Variants in ANKAR observed in about 807,000 individuals in gnomAD.
ANKAR encodes ankyrin and armadillo repeat-containing protein.
Under a neutral mutation model 146.2 loss-of-function variants are expected in ANKAR, and 136 were observed. The ratio of observed to expected loss-of-function variants is 0.93; its 90% CI spans 0.81 to 1.07. The LOEUF (loss-of-function observed/expected upper bound fraction) is 1.07. ANKAR is among the 50% of genes least tolerant of loss of function. ANKAR has a pLI of 0.00. For synonymous variants in ANKAR, 500 were observed against 575.8 expected, an observed-to-expected ratio of 0.87 and a Z score of 1.88; for missense variants, 1,567 against 1,679.9, an observed-to-expected ratio of 0.93 and a Z score of 1.18.
chr2:189,683,997 A>G (rs2035146651), intron 2 of ANKAR, among the ~76,000 whole-genome samples: 2 of 152,324 alleles, frequency 1.3e-5, no homozygotes, highest in African/African-American at 4.8e-5. Flanking sequence ...AAATCTGGCC[A>G]TGTTACCCAG....
chr2:189,711,680 G>A (rs929735186), intron 10 of ANKAR, among the ~76,000 whole-genome samples: 5 of 152,172 alleles, frequency 3.3e-5, no homozygotes, highest in South Asian at 2.1e-4. Context: ...CAGCATGATC[G>A]GCGCAGAAGA....
chr2:189,734,770 C>A (rs1165271324), intron 17 of ANKAR, among the ~76,000 whole-genome samples: 2 of 151,956 alleles, frequency 1.3e-5, no homozygotes, highest in Non-Finnish European at 2.9e-5. Flanking sequence ...TCGAGACCAG[C>A]CTTGCCAATA....
intron 18 of ANKAR, among the ~76,000 whole-genome samples, chr2:189,759,190 T>A (rs2046578860): frequency 6.6e-6 from 1 of 152,148 alleles, no homozygotes; most frequent in Admixed American, 6.5e-5. Context: ...TCAATCTGCC[T>A]CTTTACATAC....
intron 19 of ANKAR, among the ~76,000 whole-genome samples, chr2:189,739,139 C>T (rs528146116): frequency 6.6e-5 from 10 of 152,288 alleles, no homozygotes; most frequent in African/African-American, 1.9e-4. Context: ...GGTCCCATAG[C>T]GTTCTCAACA....
chr2:189,726,761 T>A (rs1359336892), intron 12 of ANKAR, among the ~76,000 whole-genome samples: 2 of 152,114 alleles, frequency 1.3e-5, no homozygotes, highest in Non-Finnish European at 2.9e-5. Flanking sequence ...GCCTTGTAGT[T>A]ACATAAAAGG....
At chr2:189,678,772 C>G (rs1427145668) in intron 2 of ANKAR, among the ~76,000 whole-genome samples, 1 of 152,170 alleles carries the variant, frequency 6.6e-6, no homozygotes, top group Non-Finnish European at 1.5e-5. Context: ...CTATTCTGTT[C>G]CATTGGTCTC....
intron 3 of ANKAR, 118 bp downstream of exon 3, chr2:189,690,082 GA>G (rs1444341439): frequency 5.0e-6 from 3 of 596,418 alleles, no homozygotes; most frequent in Admixed American, 7.9e-5. Flanking sequence ...ACCTGTTAGA[GA>G]AAACAAACAA....
At position 189,699,783 on chromosome 2, in the gene ANKAR, C is replaced by CCCATGT. The variant is rs759442168; in HGVS notation, c.1708+3414_1708+3415insCCATGT. ...CTGGGTTCAAGCGATTCTCCCACCT[C>CCCATGT]AGCCTCCCATGTAGCTGGGATTACA... is the stretch of plus-strand genomic sequence containing the variant. On this transcript the variant is annotated intron_variant, in intron 7 of 22. Transcript: ENST00000684021. Among the ~76,000 whole-genome samples, 1,257 of 152,320 alleles carry CCCATGT rather than the reference C, an allele frequency of 8.3e-3. 12 individuals carry two copies. The highest frequency in any genetic ancestry group is 0.037 in the Middle Eastern group (11 of 294).
intron 22 of ANKAR, among the ~76,000 whole-genome samples, chr2:189,745,706 A>G (rs2044059617): frequency 6.6e-6 from 1 of 152,240 alleles, no homozygotes; most frequent in South Asian, 2.1e-4. Flanking sequence ...AGAAACATTC[A>G]GAAGTCAAGA....
At chr2:189,734,802 A>G (rs1287263554) in intron 17 of ANKAR, among the ~76,000 whole-genome samples, 1 of 151,966 alleles carries the variant, frequency 6.6e-6, no homozygotes, top group Non-Finnish European at 1.5e-5. Context: ...CATCTCTACT[A>G]AAGAGATAAA....
chr2:189,711,740 A>G (rs1044543135), intron 10 of ANKAR, among the ~76,000 whole-genome samples: 6 of 152,054 alleles, frequency 3.9e-5, no homozygotes, highest in Non-Finnish European at 8.8e-5. Context: ...TCTCCCTGGG[A>G]CTGATTGGAC....
chr2:189,728,311 G>A lies in ANKAR; in HGVS notation c.2922G>A (p.Trp974Ter). The A allele has an allele frequency of 6.2e-7, 1 of 1,612,704 alleles. No individual in the cohort carries two copies. The highest frequency in any genetic ancestry group is 8.5e-7 in the Non-Finnish European group (1 of 1,179,616). ...AGGAACAAGGAGCTGTTGCACTTTG[G>A]GCCTTGGCAGGACAAACACTAAAAC... ...DVKEQGAVAL[W>*]ALAGQTLKQQ... The change falls in exon 14 of 23, where the codon TGG (tryptophan) becomes TGA (stop). Residue 974 changes from tryptophan to a stop codon, truncating the protein, a stop_gained. Coordinates refer to ENST00000684021, the MANE Select transcript of ANKAR (RefSeq NM_001378068.1). LOFTEE classifies it high-confidence loss of function.
intron 19 of ANKAR, among the ~76,000 whole-genome samples, chr2:189,740,897 T>C (rs1472017071): frequency 1.3e-5 from 2 of 151,984 alleles, no homozygotes; most frequent in Non-Finnish European, 2.9e-5. Flanking sequence ...TTTCTCCATG[T>C]TGGTCAGGCT....
At chr2:189,704,943 C>A in intron 7 of ANKAR, 80 bp from the exon 8 acceptor site, 1 of 1,337,468 alleles carries the variant, frequency 7.5e-7, no homozygotes, top group Non-Finnish European at 1.1e-6. Context: ...AGCTCTGTGG[C>A]TGGATATCAA....
chr2:189,728,206 TATGC>T, intron 13 of ANKAR, 57 bp from the exon 14 acceptor site: 4 of 1,509,828 alleles, frequency 2.6e-6, no homozygotes, highest in Middle Eastern at 3.6e-4. Flanking sequence ...TTTTATAAAA[TATGC>T]ATTCCTAAAA....
intron 18 of ANKAR, chr2:189,754,810 A>G (rs1447126537): frequency 3.8e-6 from 1 of 259,908 alleles, no homozygotes; most frequent in Non-Finnish European, 7.2e-6. Flanking sequence ...AATTCTGTGC[A>G]TTGCATCTTT....
downstream of ANKAR, among the ~76,000 whole-genome samples, chr2:189,751,536 G>A (rs1419862778): frequency 5.5e-5 from 8 of 145,806 alleles, no homozygotes; most frequent in African/African-American, 2.0e-4. Context: ...CCTCCACCTC[G>A]AGGATTCAGG....
intron 18 of ANKAR, among the ~76,000 whole-genome samples, chr2:189,758,083 T>C (rs907012561): frequency 5.9e-5 from 9 of 152,076 alleles, no homozygotes; most frequent in African/African-American, 1.2e-4. Flanking sequence ...TCATGAGATC[T>C]TGTTGTTTAA....
At chr2:189,762,922 C>A, downstream of ANKAR, 2 of 985,370 alleles carry the variant, frequency 2.0e-6, no homozygotes, top group Non-Finnish European at 2.4e-6. Flanking sequence ...GCATTTCCCC[C>A]AGATTTGCAG....
Sources: allele counts gnomAD v4.1 joint callset (sites outside exome capture counted in the v4.1 genomes callset), GRCh38; gene constraint gnomAD v4.1.1; transcripts MANE v1.5; gene names NCBI Gene and HGNC (gene_info 2026-07-23, HGNC 2026-07-21).